The following CAPN11 variants were observed in gnomAD, a reference collection of about 807,000 sequenced individuals.
CAPN11 encodes the protein calpain-11.
A neutral mutation model predicts 105.3 loss-of-function variants in CAPN11; 108 were observed. That is an observed-to-expected ratio of 1.03 (90% CI 0.88 to 1.20). CAPN11 has a LOEUF of 1.20. Among genes scored for constraint, CAPN11 ranks in the 50% most tolerant of loss-of-function variants. The probability of loss-of-function intolerance (pLI) is 0.00; values close to 1 mark genes in which losing one functional copy is unlikely to be tolerated. For missense variants in CAPN11, 883 were observed against 924.8 expected (o/e 0.95, Z 0.59); for synonymous variants, 329 against 344.5 (o/e 0.96, Z 0.50).
At chr6:44,172,570 G>C in intron 5 of CAPN11, 150 bp downstream of exon 5, 1 of 600,772 alleles carries the variant, frequency 1.7e-6, no homozygotes, top group Non-Finnish European at 2.9e-6. Context: ...GCCCACCAAA[G>C]AAATCATGTA....
At chr6:44,173,145 G>A (rs1771309589) in intron 6 of CAPN11, 72 bp downstream of exon 6, 2 of 1,603,100 alleles carry the variant, frequency 1.2e-6, no homozygotes, top group Admixed American at 1.7e-5. Context: ...GGGGAGGGGA[G>A]GGGGTAGCAG....
Position 44,180,052 on chromosome 6 carries a change from G to A in CAPN11, c.1529G>A (p.Ser510Asn), listed in dbSNP as rs754224949. 1.9e-6 allele frequency: 3 copies of A among 1,613,200 alleles called. No individual in the cohort carries two copies. In the South Asian group the frequency reaches 3.3e-5, roughly 18 times the overall value. The change falls in exon 14 of 23, where the codon AGC (serine) becomes AAC (asparagine). Residue 510 changes from serine (S) to asparagine (N), a missense_variant. Physicochemically the swap from Ser to Asn is conservative, Grantham distance 46. Coordinates refer to ENST00000398776, the MANE Select transcript of CAPN11 (RefSeq NM_007058.4). The part of the protein sequence containing the change: ...EIFTNSREVS[S>N]QLRLPPGEYI... ...TTCACCAACTCACGGGAGGTGAGCA[G>A]CCAACTCCGGCTGCCTCCGGGGGAA...
At chr6:44,161,039 G>A (rs904709529) in intron 1 of CAPN11, among the ~76,000 whole-genome samples, 2 of 152,278 alleles carry the variant, frequency 1.3e-5, no homozygotes, top group South Asian at 2.1e-4. Context: ...AGGGTTAAGG[G>A]GAGCTACTGT....
At chr6:44,183,082 G>A (rs769515598) in intron 20 of CAPN11, 37 bp from the exon 21 acceptor site, 7 of 1,598,026 alleles carry the variant, frequency 4.4e-6, no homozygotes, top group African/African-American at 4.0e-5. Flanking sequence ...CAGAGGCCCA[G>A]ACTTTTCCCC....
intron 1 of CAPN11, among the ~76,000 whole-genome samples, chr6:44,165,791 C>T (rs1264437159): frequency 1.3e-5 from 2 of 152,144 alleles, no homozygotes; most frequent in East Asian, 3.9e-4. Flanking sequence ...GGGGGCTGGC[C>T]TTATCCTGCT....
Position 44,183,197 on chromosome 6 carries a change from G to C in CAPN11, c.2096G>C (p.Ser699Thr), listed in dbSNP as rs1341652193. ...GATGACCTGATCATAGACTTTGACA[G>C]CTTCATCAGCTGTTTCCTGAGGCTA... ...ADDDLIIDFDSFISCFLRLKT... is the reference protein window; with the variant it reads ...ADDDLIIDFDTFISCFLRLKT... The change falls in exon 21 of 23, where the codon AGC becomes ACC. Residue 699 changes from serine to threonine, a missense_variant. Transcript: ENST00000398776. 1.2e-6 allele frequency: 2 copies of C among 1,612,970 alleles called. No individual in the cohort carries two copies. Among genetic ancestry groups the C allele is most frequent in the South Asian group, 1.1e-5 (1 of 91,068 alleles).
At position 44,166,751 on chromosome 6, in the gene CAPN11, A is replaced by G. The variant is rs901108781; in HGVS notation, c.17-7A>G. The stretch of plus-strand genomic sequence containing the variant: ...TCCTCCCCTCCTCCCACTCTTTCTT[A>G]TTCTAGGGCCGAGTCTTCCGGAGTC... On this transcript the variant is annotated splice_polypyrimidine_tract_variant and splice_region_variant and intron_variant, in intron 1 of 22. Coordinates refer to ENST00000398776, the MANE Select transcript of CAPN11 (RefSeq NM_007058.4). The G allele has an allele frequency of 1.3e-5, 20 of 1,550,212 alleles. No individual in the cohort carries two copies. Among genetic ancestry groups the G allele is most frequent in the Admixed American group, 9.8e-5 (5 of 50,960 alleles).
intron 4 of CAPN11, among the ~76,000 whole-genome samples, chr6:44,171,108 G>C (rs1341585674): frequency 6.6e-6 from 1 of 152,190 alleles, no homozygotes; most frequent in Non-Finnish European, 1.5e-5. Flanking sequence ...AACAGTGAGG[G>C]GGATTGGAGC....
Position 44,177,246 on chromosome 6 carries a change from G to C in CAPN11, c.1242G>C (p.Thr414=). The stretch of plus-strand genomic sequence containing the variant: ...GCTGACCCACTTCCGCCACAGGCAC[G>C]TTCTGGACCAACCCCCAGTTTAAGA... The part of the protein sequence containing the change: ...SAGGCRNHPG[T]FWTNPQFKIS... The change falls in exon 12 of 23, where the codon ACG becomes ACC. Residue 414 remains threonine (T), a synonymous_variant. Transcript: ENST00000398776. The C allele has an allele frequency of 3.2e-6, 5 of 1,583,302 alleles. No homozygotes were observed. The highest frequency in any genetic ancestry group is 4.3e-6 in the Non-Finnish European group (5 of 1,164,640).
At chr6:44,168,212 G>A (rs1402022486) in intron 2 of CAPN11, among the ~76,000 whole-genome samples, 6 of 152,114 alleles carry the variant, frequency 3.9e-5, no homozygotes, top group South Asian at 2.1e-4. Context: ...CCTAATCTAC[G>A]TTCTGTCTCT....
intron 4 of CAPN11, among the ~76,000 whole-genome samples, chr6:44,170,367 C>A (rs2128300109): frequency 6.6e-6 from 1 of 152,298 alleles, no homozygotes; most frequent in East Asian, 1.9e-4. Flanking sequence ...AAGACGTCTG[C>A]AACCTGTGAT....
At chr6:44,176,193 A>AGGAGGAGAATGTCTCCCTGACC in intron 8 of CAPN11, 42 bp downstream of exon 8, 3 of 1,593,606 alleles carry the variant, frequency 1.9e-6, no homozygotes, top group Non-Finnish European at 2.6e-6. Flanking sequence ...GACCCTGAGA[A>AGGAGGAGAATGTCTCCCTGACC]GGAGGAGAAC....
intron 5 of CAPN11, 144 bp from the exon 6 acceptor site, chr6:44,172,796 C>A: frequency 1.1e-6 from 1 of 914,258 alleles, no homozygotes; most frequent in Non-Finnish European, 1.6e-6. Flanking sequence ...CGGGGCCGGG[C>A]TCAGGCTTTG....
chr6:44,177,158 T>C, intron 11 of CAPN11, 84 bp from the exon 12 acceptor site: 3 of 1,489,972 alleles, frequency 2.0e-6, no homozygotes, highest in South Asian at 1.3e-5. Flanking sequence ...AGCTCCAGTG[T>C]GGCTGGGGAA....
At chr6:44,166,586 A>G (rs1336488534) in intron 1 of CAPN11, among the ~76,000 whole-genome samples, 172 bp from the exon 2 acceptor site, 1 of 152,154 alleles carries the variant, frequency 6.6e-6, no homozygotes, top group African/African-American at 2.4e-5. Flanking sequence ...TGTGGGCTCA[A>G]GCAGGGTCTC....
rs1774222977 is a variant in CAPN11, at chr6:44,184,347, C to T, written c.*415C>T. 1 of 224,056 alleles carries T rather than the reference C, an allele frequency of 4.5e-6. No individual in the cohort carries two copies. Among genetic ancestry groups the T allele is most frequent in the African/African-American group, 2.3e-5 (1 of 44,438 alleles). The allele number at this position is 224,056 out of a possible 1,614,324, so 13.9% of individuals were successfully genotyped here. On this transcript the variant is annotated 3_prime_UTR_variant, in exon 23 of 23. Transcript: ENST00000398776. ...CTGACCACCCATCCTGGCACAGCCTCTGTTTTCCTCCCCATCTGTGGATAC... is the reference window on the plus strand; with the variant it reads ...CTGACCACCCATCCTGGCACAGCCTTTGTTTTCCTCCCCATCTGTGGATAC...
At position 44,177,011 on chromosome 6, in the gene CAPN11, T is replaced by C. The variant is rs1772159348; in HGVS notation, c.1237+13T>C. Reference sequence around the variant, plus strand: ...AGGAACCACCCTGGTGGGTGAGGGGTGAGAGGGGAGGGGGTGTGCAGGGAG... The same window carrying C: ...AGGAACCACCCTGGTGGGTGAGGGGCGAGAGGGGAGGGGGTGTGCAGGGAG... On this transcript the variant is annotated intron_variant, in intron 11 of 22. Coordinates refer to ENST00000398776, the MANE Select transcript of CAPN11 (RefSeq NM_007058.4). 6.2e-7 allele frequency: 1 copy of C among 1,602,606 alleles called. No homozygotes were observed. Among genetic ancestry groups the C allele is most frequent in the Admixed American group, 1.7e-5 (1 of 59,088 alleles).
intron 2 of CAPN11, among the ~76,000 whole-genome samples, chr6:44,167,433 G>A (rs1188689779): frequency 6.8e-6 from 1 of 147,760 alleles, no homozygotes; most frequent in Non-Finnish European, 1.5e-5. Flanking sequence ...GGGAGGCAGA[G>A]GTTGCAGTGA....
In CAPN11 at chr6:44,176,947, G is replaced by C. The variant is rs575121182; in HGVS notation, c.1186G>C (p.Glu396Gln). 153 of 1,613,884 alleles carry C rather than the reference G, an allele frequency of 9.5e-5. No homozygotes were observed. The Middle Eastern group carries it at 5.3e-3, about 56-fold the overall frequency. ...YKSYWHTTFY[E>Q]GSWRRGSSAG... ...GAGCTACTGGCACACCACCTTCTAC[G>C]AGGGCAGCTGGCGCAGAGGCAGCTC... Residue 396 changes from glutamate (E) to glutamine (Q), a missense_variant, in exon 11 of 23, where the codon GAG (glutamate) becomes CAG (glutamine). Physicochemically the swap from Glu to Gln is conservative, Grantham distance 29. Coordinates refer to ENST00000398776, the MANE Select transcript of CAPN11 (RefSeq NM_007058.4).
Sources: gnomAD v4.1 joint callset for allele counts (sites outside exome capture counted in the v4.1 genomes callset) on GRCh38, gnomAD v4.1.1 for gene constraint, MANE v1.5 for transcripts, NCBI Gene and HGNC (gene_info 2026-07-23, HGNC 2026-07-21) for gene names.